Variants in CEP126 observed in about 807,000 individuals in gnomAD.
The protein encoded by CEP126 is centrosomal protein of 126 kDa.
CEP126 carries 74 observed loss-of-function variants against 107.8 expected under a neutral mutation model. The observed-to-expected ratio is 0.69, with a 90% confidence interval of 0.57 to 0.83. The LOEUF (loss-of-function observed/expected upper bound fraction) is 0.83. Ranked by LOEUF, CEP126 falls within the 40% of genes least tolerant of loss-of-function variation. The pLI is 0.00. For synonymous variants in CEP126, 449 were observed against 446.0 expected (o/e 1.01, Z -0.08); for missense variants, 1,237 against 1,281.9 (o/e 0.96, Z 0.53).
At position 101,944,277 on chromosome 11, in the gene CEP126, G is replaced by A; in HGVS notation, c.261G>A (p.Glu87=). 1 of 1,587,052 alleles carries A rather than the reference G, an allele frequency of 6.3e-7. No individual in the cohort carries two copies. The highest frequency in any genetic ancestry group is 8.5e-7 in the Non-Finnish European group (1 of 1,171,400). The change falls in exon 3 of 11, where the codon GAG becomes GAA. Residue 87 remains glutamate, a synonymous_variant. Coordinates refer to ENST00000263468, the MANE Select transcript of CEP126 (RefSeq NM_020802.4). ...ESNRRKKAFE[E]KRKEQEEKEH... ...GTTTTAAATATAGAGCTTTTGAGGAGAAACGAAAAGAACAGGAAGAAAAAG... is the reference window on the plus strand; with the variant it reads ...GTTTTAAATATAGAGCTTTTGAGGAAAAACGAAAAGAACAGGAAGAAAAAG...
chr11:101,924,093 G>T (rs1174197209), intron 2 of CEP126, among the ~76,000 whole-genome samples: 3 of 152,070 alleles, frequency 2.0e-5, no homozygotes, highest in African/African-American at 7.2e-5. Flanking sequence ...TCAAATGTAA[G>T]AATTCTTATG....
rs1170905096 is a variant in CEP126 at position 101,915,367 on chromosome 11, T to A, written c.83T>A (p.Leu28His). ...TCGGACAACCTCGACAGAGCCCCCCTCGGCCCTCGGGAGAGCGGCGGGCAT... is the reference window on the plus strand; with the variant it reads ...TCGGACAACCTCGACAGAGCCCCCCACGGCCCTCGGGAGAGCGGCGGGCAT... ...ESSDNLDRAP[L>H]GPRESGGHHR... The change falls in exon 1 of 11, where the codon CTC (leucine) becomes CAC (histidine). Residue 28 changes from leucine to histidine, a missense_variant. Physicochemically the swap from Leu to His is moderately conservative, Grantham distance 99. This residue lies in a region of CEP126 where 1,134 missense variants were observed against 1,150.5 expected (regional missense o/e 0.99). Coordinates refer to ENST00000263468, the MANE Select transcript of CEP126 (RefSeq NM_020802.4). 3 of 1,613,900 alleles carry A rather than the reference T, an allele frequency of 1.9e-6. No homozygotes were observed. The highest frequency in any genetic ancestry group is 2.5e-6 in the Non-Finnish European group (3 of 1,179,944).
chr11:101,954,643 TAC>T (rs368322929), intron 4 of CEP126, among the ~76,000 whole-genome samples: 90 of 150,694 alleles, frequency 6.0e-4, no homozygotes, highest in East Asian at 3.7e-3. Context: ...TGTTTATATA[TAC>T]ATATATATAT....
In CEP126 at chr11:101,999,386, A is replaced by G. The variant is rs1029681052; in HGVS notation, c.*1743A>G. On this transcript the variant is annotated 3_prime_UTR_variant, in exon 11 of 11. Transcript: ENST00000263468. ...GCATCCTGCATGCCAAAGTAGCTTC[A>G]CCGTTAGTAATCCCTCACTTTAATA... 8 of 150,984 alleles carry G rather than the reference A, an allele frequency of 5.3e-5. No individual in the cohort carries two copies. The highest frequency in any genetic ancestry group is 1.9e-4 in the African/African-American group (8 of 41,064). The allele number at this position is 150,984 out of a possible 1,614,324, so 9.4% of individuals were successfully genotyped here. A position where few individuals can be genotyped will look rare whatever the true frequency, so the allele number is the denominator to read the frequency against.
intron 2 of CEP126, among the ~76,000 whole-genome samples, chr11:101,940,806 T>C (rs1190182070): frequency 6.6e-6 from 1 of 152,184 alleles, no homozygotes. Context: ...GGTCTGGCTT[T>C]TCCTGGAGTG....
At chr11:101,975,955 G>A (rs183382743) in intron 6 of CEP126, among the ~76,000 whole-genome samples, 3 of 152,272 alleles carry the variant, frequency 2.0e-5, no homozygotes, top group Admixed American at 6.5e-5. Flanking sequence ...TGTTGTATAC[G>A]TACCACATTT....
chr11:101,982,834 A>G (rs139701125), intron 8 of CEP126, among the ~76,000 whole-genome samples: 1 of 152,186 alleles, frequency 6.6e-6, no homozygotes, highest in African/African-American at 2.4e-5. Context: ...GACCCCTGAC[A>G]TGATACCACA....
At chr11:101,991,818 C>T (rs1282768942) in intron 9 of CEP126, among the ~76,000 whole-genome samples, 10 of 152,066 alleles carry the variant, frequency 6.6e-5, no homozygotes, top group Admixed American at 3.9e-4. Flanking sequence ...GGGCAAAAAA[C>T]GTAAATCACA....
intron 2 of CEP126, among the ~76,000 whole-genome samples, chr11:101,924,942 C>CAT (rs1226709210): frequency 1.3e-5 from 2 of 152,092 alleles, no homozygotes; most frequent in African/African-American, 4.8e-5. Context: ...TTATTTATTG[C>CAT]ATTTCTATTA....
Position 101,962,540 on chromosome 11 carries a change from A to G in CEP126, c.1505A>G (p.Glu502Gly). The stretch of plus-strand genomic sequence containing the variant: ...TTAGATGAATTGAAAGATGGTAAAG[A>G]AGAAGAGATAAAATATTTTAATTGC... ...DKLDELKDGK[E>G]EEIKYFNCNK... is the part of the protein sequence containing the mutation. Residue 502 changes from glutamate to glycine, a missense_variant, in exon 6 of 11, where the codon GAA (glutamate) becomes GGA (glycine). Around this residue, in one of 3 missense-constraint regions of CEP126, gnomAD observed 1,134 missense variants for 1,150.5 expected, o/e 0.99. Transcript: ENST00000263468. 3 of 1,612,940 alleles carry G rather than the reference A, an allele frequency of 1.9e-6. No individual in the cohort carries two copies. Among genetic ancestry groups the G allele is most frequent in the Non-Finnish European group, 2.5e-6 (3 of 1,179,416 alleles).
At chr11:101,984,284 G>A (rs1392116851) in intron 8 of CEP126, among the ~76,000 whole-genome samples, 1 of 152,162 alleles carries the variant, frequency 6.6e-6, no homozygotes, top group Non-Finnish European at 1.5e-5. Context: ...AGACACAATT[G>A]TGCATTCCTG....
In CEP126 at chr11:101,916,972, C is replaced by G. The variant is rs143373814; in HGVS notation, c.128+1560C>G. On this transcript the variant is annotated intron_variant, in intron 1 of 10. Coordinates refer to ENST00000263468, the MANE Select transcript of CEP126 (RefSeq NM_020802.4). ...GGCTAAATATATAGTTAAAATTAGG[C>G]AAGTTATAAATGAACATTTTAATAG... 4.4e-3 allele frequency among the ~76,000 whole-genome samples: 664 copies of G among 149,800 alleles called. 5 individuals are homozygous for G. The highest frequency in any genetic ancestry group is 0.016 in the African/African-American group (639 of 40,580).
intron 1 of CEP126, among the ~76,000 whole-genome samples, chr11:101,919,014 A>G (rs367964682): frequency 1.3e-5 from 2 of 152,210 alleles, no homozygotes; most frequent in African/African-American, 2.4e-5. Flanking sequence ...AAAACAAACT[A>G]TATTATAGAA....
At chr11:101,957,802 G>A (rs1940919409) in intron 4 of CEP126, among the ~76,000 whole-genome samples, 1 of 152,094 alleles carries the variant, frequency 6.6e-6, no homozygotes, top group Non-Finnish European at 1.5e-5. Flanking sequence ...GAAGGGTAAT[G>A]CAGTATATTA....
At chr11:101,978,290 T>C (rs1368426434) in intron 6 of CEP126, 57 bp from the exon 7 acceptor site, 4 of 1,070,132 alleles carry the variant, frequency 3.7e-6, no homozygotes, top group Non-Finnish European at 5.7e-6. Flanking sequence ...TTGCAGTGGG[T>C]ATATATTGGC....
intron 8 of CEP126, among the ~76,000 whole-genome samples, 168 bp from the exon 9 acceptor site, chr11:101,986,664 T>C (rs1941319486): frequency 6.6e-6 from 1 of 152,176 alleles, no homozygotes; most frequent in Non-Finnish European, 1.5e-5. Context: ...AAATGCTAGA[T>C]AGAGGATCCT....
chr11:101,975,498 C>G lies in CEP126; in HGVS notation c.2846-2849C>G, dbSNP rs185231776. On this transcript the variant is annotated intron_variant, in intron 6 of 10. Transcript: ENST00000263468. ...GAGCCCAACTAATTGGAGCTGAATC[C>G]CAGCTTTGCCCCTTACTGGCTCTGT... Among the ~76,000 whole-genome samples, 4 of 152,282 alleles carry G rather than the reference C, an allele frequency of 2.6e-5. No individual in the cohort carries two copies. In the East Asian group the frequency reaches 7.7e-4, roughly 29 times the overall value.
intron 6 of CEP126, among the ~76,000 whole-genome samples, chr11:101,969,456 GA>G (rs1442628111): frequency 5.3e-5 from 8 of 152,014 alleles, no homozygotes; most frequent in East Asian, 3.9e-4. Flanking sequence ...TAGGGGTATG[GA>G]AAAAAAATTA....
intron 8 of CEP126, among the ~76,000 whole-genome samples, chr11:101,985,283 TTTC>T (rs1941303451): frequency 6.6e-6 from 1 of 151,412 alleles, no homozygotes; most frequent in African/African-American, 2.4e-5. Flanking sequence ...CATAAATGAG[TTTC>T]TTTTTTTTTT....
Sources: allele counts gnomAD v4.1 joint callset (sites outside exome capture counted in the v4.1 genomes callset), GRCh38; gene constraint gnomAD v4.1.1; regional missense constraint gnomAD v4.1.1; transcripts MANE v1.5; gene names NCBI Gene and HGNC (gene_info 2026-07-23, HGNC 2026-07-21).